CABLES2: variants seen among roughly 807,000 people sequenced by gnomAD.
CABLES2 encodes the protein CDK5 and ABL1 enzyme substrate 2.
A neutral mutation model predicts 44.8 loss-of-function variants in CABLES2; 35 were observed. That is an observed-to-expected ratio of 0.78 (90% CI 0.60 to 1.04). The LOEUF (loss-of-function observed/expected upper bound fraction) is 1.04. Among genes scored for constraint, CABLES2 ranks in the 50% least tolerant of loss-of-function variants. CABLES2 has a pLI of 0.00. For synonymous variants in CABLES2, 282 were observed against 281.1 expected, an observed-to-expected ratio of 1.00 and a Z score of -0.03; for missense variants, 566 against 615.7, an observed-to-expected ratio of 0.92 and a Z score of 0.85.
At position 62,393,508 on chromosome 20, in the gene CABLES2, G is replaced by A; in HGVS notation, c.812C>T (p.Pro271Leu). Residue 271 changes from proline to leucine, a missense_variant, in exon 6 of 10, where the codon CCC (proline) becomes CTC (leucine). Transcript: ENST00000279101. ...ATGTCTTGACCCTGGCAGAGTCCGG[G>A]GGACACTGGGCCGAGGTGTGGGCAG... Reference protein sequence around the residue: ...GLLPTPRPSVPRTLPGSRHKP... With the variant: ...GLLPTPRPSVLRTLPGSRHKP... The A allele has an allele frequency of 6.2e-7, 1 of 1,613,634 alleles. No homozygotes were observed. Among genetic ancestry groups the A allele is most frequent in the Non-Finnish European group, 8.5e-7 (1 of 1,179,772 alleles).
rs907306398 is a variant in CABLES2 at position 62,391,502 on chromosome 20, G to A, written c.1092-49C>T. 6.3e-6 allele frequency: 10 copies of A among 1,588,596 alleles called. No individual in the cohort carries two copies. The African/African-American group carries it at 8.1e-5, about 13-fold the overall frequency. On this transcript the variant is annotated intron_variant, in intron 8 of 9. Transcript: ENST00000279101. This position sits in a 1 kb window ranked among gnomAD's most constrained non-coding sequence, Gnocchi z 5.7. ...GTCCCTGGGGGCTCTGGCTGGGGCT[G>A]AGGAGGCAGCCCCCTGCCACCACCA... is the stretch of plus-strand genomic sequence containing the variant.
At chr20:62,399,572 G>A (rs1248215875) in intron 1 of CABLES2, among the ~76,000 whole-genome samples, 1 of 138,140 alleles carries the variant, frequency 7.2e-6, no homozygotes, top group South Asian at 2.3e-4. Flanking sequence ...ACAGATGCTC[G>A]ACTGATGATG....
intron 1 of CABLES2, among the ~76,000 whole-genome samples, chr20:62,397,801 A>G (rs2146422753): frequency 6.6e-6 from 1 of 151,788 alleles, no homozygotes; most frequent in African/African-American, 2.4e-5. Context: ...TTGCGATGAC[A>G]ATGATGGGCG....
At chr20:62,402,067 C>T (rs887876752) in intron 1 of CABLES2, among the ~76,000 whole-genome samples, 2 of 152,038 alleles carry the variant, frequency 1.3e-5, no homozygotes, top group African/African-American at 4.8e-5. Flanking sequence ...GTTCCCCCCA[C>T]GTGGCAGTGA....
chr20:62,398,071 CGG>C (rs1988080133), intron 1 of CABLES2, among the ~76,000 whole-genome samples: 1 of 68,234 alleles, frequency 1.5e-5, no homozygotes. Context: ...GTGGTGGTGA[CGG>C]TGGTGGTGGT....
At chr20:62,406,785 T>TGAA (rs1234590609) in intron 1 of CABLES2, 130 bp downstream of exon 1, 1 of 444,808 alleles carries the variant, frequency 2.2e-6, no homozygotes, top group African/African-American at 2.1e-5. Context: ...AGGCCCCAGG[T>TGAA]CACCTGACCC....
chr20:62,394,547 T>C (rs2064829), intron 4 of CABLES2, among the ~76,000 whole-genome samples: 45,608 of 152,072 alleles, frequency 0.3, 7,434 homozygotes, highest in African/African-American at 0.41. Flanking sequence ...TGCCCACGCC[T>C]GGTCAGGTTT....
rs939378311 is a variant in CABLES2 at position 62,396,344 on chromosome 20, G to T, written c.498C>A (p.Asn166Lys). The T allele has an allele frequency of 6.2e-7, 1 of 1,613,836 alleles. No homozygotes were observed. Among genetic ancestry groups the T allele is most frequent in the Non-Finnish European group, 8.5e-7 (1 of 1,179,978 alleles). The part of the protein sequence containing the change: ...KGLKKTHFIK[N>K]MRQYDTRNSR... ...TGTTCCTGGTGTCGTACTGCCTCAT[G>T]TTCTTGATGAAGTGGGTCTTCTTCA... is the stretch of plus-strand genomic sequence containing the variant. The change falls in exon 3 of 10, where the codon AAC becomes AAA. Residue 166 changes from asparagine (N) to lysine (K), a missense_variant. Physicochemically the swap from Asn to Lys is moderately conservative, Grantham distance 94 (BLOSUM62 0). This residue lies in a region of CABLES2 where 436 missense variants were observed against 536.3 expected (regional missense o/e 0.81). Transcript: ENST00000279101. The surrounding 1 kb of genome is among the most constrained non-coding windows in gnomAD (Gnocchi z 5.7).
At position 62,391,138 on chromosome 20, in the gene CABLES2, C is replaced by T; in HGVS notation, c.1297-27G>A. On this transcript the variant is annotated intron_variant, in intron 9 of 9. Transcript: ENST00000279101. This position sits in a 1 kb window ranked among gnomAD's most constrained non-coding sequence, Gnocchi z 5.7. ...TGCAGGGGAGAAGAGAGAAGGGTTACACGGGAGCCTTCCCTCTTCCACATT... is the reference window on the plus strand; with the variant it reads ...TGCAGGGGAGAAGAGAGAAGGGTTATACGGGAGCCTTCCCTCTTCCACATT... The T allele has an allele frequency of 6.2e-7, 1 of 1,610,858 alleles. No individual in the cohort carries two copies. The highest frequency in any genetic ancestry group is 8.5e-7 in the Non-Finnish European group (1 of 1,177,382).
chr20:62,401,852 C>T (rs1988194451), intron 1 of CABLES2, among the ~76,000 whole-genome samples: 1 of 152,226 alleles, frequency 6.6e-6, no homozygotes, highest in Non-Finnish European at 1.5e-5. Flanking sequence ...ACGCACCTTC[C>T]ATGTGCTTCA....
At position 62,398,511 on chromosome 20, in the gene CABLES2, C is replaced by T. The variant is rs537841449; in HGVS notation, c.363-1919G>A. Among the ~76,000 whole-genome samples the T allele has an allele frequency of 2.0e-5, 3 of 152,300 alleles. No homozygotes were observed. The South Asian group carries it at 6.2e-4, about 32-fold the overall frequency. The stretch of plus-strand genomic sequence containing the variant: ...GTGTCACCCAATCTGGACTCCGGGC[C>T]AAGGGCAGGTGTACTGCTGGGGGTC... On this transcript the variant is annotated intron_variant, in intron 1 of 9. Coordinates refer to ENST00000279101, the MANE Select transcript of CABLES2 (RefSeq NM_031215.3).
At chr20:62,399,138 T>TG (rs1988140424) in intron 1 of CABLES2, among the ~76,000 whole-genome samples, 1 of 152,178 alleles carries the variant, frequency 6.6e-6, no homozygotes, top group South Asian at 2.1e-4. Context: ...TTAGTAGAGA[T>TG]GGGGTTTCAC....
At chr20:62,394,812 A>G (rs970573987) in intron 4 of CABLES2, 125 bp downstream of exon 4, 9 of 811,678 alleles carry the variant, frequency 1.1e-5, no homozygotes, top group African/African-American at 8.7e-5. Flanking sequence ...TGAGCCTCGC[A>G]TGAGCCCGGG....
In CABLES2 at chr20:62,392,435, T is replaced by C. The variant is rs764670356; in HGVS notation, c.1045A>G (p.Arg349Gly). The change falls in exon 8 of 10, where the codon AGG becomes GGG. Residue 349 changes from arginine to glycine, a missense_variant. Around this residue, in one of 2 missense-constraint regions of CABLES2, gnomAD observed 436 missense variants for 536.3 expected, o/e 0.81. Transcript: ENST00000279101. ...DLKKDMNETF[R>G]EKFPHVKLTL... ...AGTTTGACATGGGGGAACTTCTCCC[T>C]GAAGGTCTCGTTCATGTCCTTTTTG... is the stretch of plus-strand genomic sequence containing the variant. 3.1e-6 allele frequency: 5 copies of C among 1,613,992 alleles called. No homozygotes were observed. The South Asian group carries it at 5.5e-5, about 18-fold the overall frequency.
Position 62,398,193 on chromosome 20 carries a change from A to ATGGTGATGGTGGTGG in CABLES2, c.363-1602_363-1601insCCACCACCATCACCA, listed in dbSNP as rs1569017836. Reference sequence around the variant, plus strand: ...GGTAATGGTGGTGGTGGTGATGGTGATGATGGTGGTGATGGTGATGTGATG... The same window carrying ATGGTGATGGTGGTGG: ...GGTAATGGTGGTGGTGGTGATGGTGATGGTGATGGTGGTGGTGATGGTGGTGATGGTGATGTGATG... On this transcript the variant is annotated intron_variant, in intron 1 of 9. Coordinates refer to ENST00000279101, the MANE Select transcript of CABLES2 (RefSeq NM_031215.3). Among the ~76,000 whole-genome samples the ATGGTGATGGTGGTGG allele has an allele frequency of 1.2e-3, 35 of 30,070 alleles. No homozygotes were observed. In the African/African-American group the frequency reaches 0.013, roughly 11 times the overall value. 19.7% of individuals were successfully genotyped at this position (30,070 alleles called of 152,430 possible).
intron 5 of CABLES2, 84 bp from the exon 6 acceptor site, chr20:62,393,689 G>A (rs1569015314): frequency 1.4e-6 from 2 of 1,407,702 alleles, no homozygotes; most frequent in South Asian, 1.4e-5. Flanking sequence ...AAGCCCAGAC[G>A]CACATGCCAG....
chr20:62,391,225 G>C lies in CABLES2; in HGVS notation c.1296+24C>G, dbSNP rs1225983340. 6.2e-7 allele frequency: 1 copy of C among 1,603,440 alleles called. No homozygotes were observed. The highest frequency in any genetic ancestry group is 8.5e-7 in the Non-Finnish European group (1 of 1,173,228). On this transcript the variant is annotated intron_variant, in intron 9 of 9. Coordinates refer to ENST00000279101, the MANE Select transcript of CABLES2 (RefSeq NM_031215.3). This position sits in a 1 kb window ranked among gnomAD's most constrained non-coding sequence, Gnocchi z 5.7. Reference sequence around the variant, plus strand: ...GCTCGATGTCATGACCCTGCCTGCAGTGCCTGCCGAGCCGGGCACTCACAT... The same window carrying C: ...GCTCGATGTCATGACCCTGCCTGCACTGCCTGCCGAGCCGGGCACTCACAT...
At position 62,407,052 on chromosome 20, in the gene CABLES2, GGGC is replaced by G. The variant is rs1293211536; in HGVS notation, c.222_224del (p.Pro75del). 20 of 1,091,018 alleles carry G rather than the reference GGGC, an allele frequency of 1.8e-5. No homozygotes were observed. The highest frequency in any genetic ancestry group is 2.2e-5 in the Non-Finnish European group (20 of 898,616). The allele number at this position is 1,091,018 out of a possible 1,614,324, so 67.6% of individuals were successfully genotyped here. Reference sequence around the variant, plus strand: ...GCGCTGGCGGTTCGCGGGCCTCGGCGGGCGGCGGCGGGGGCTTCTCTCCGCCCG... The same window carrying G: ...GCGCTGGCGGTTCGCGGGCCTCGGCGGGCGGCGGGGGCTTCTCTCCGCCCG... On this transcript the variant is annotated inframe_deletion, in exon 1 of 10. Coordinates refer to ENST00000279101, the MANE Select transcript of CABLES2 (RefSeq NM_031215.3).
chr20:62,406,590 A>C (rs945522543), intron 1 of CABLES2, among the ~76,000 whole-genome samples: 4 of 58,628 alleles, frequency 6.8e-5, no homozygotes, highest in Non-Finnish European at 1.4e-4. Context: ...CCAGTTCTGT[A>C]TCCAGGACTG....
Sources: gnomAD v4.1 joint callset for allele counts (sites outside exome capture counted in the v4.1 genomes callset) on GRCh38, gnomAD v4.1.1 for gene constraint, gnomAD v4.1.1 regional missense constraint, Gnocchi (gnomAD v3.1) non-coding constraint, MANE v1.5 for transcripts, NCBI Gene and HGNC (gene_info 2026-07-23, HGNC 2026-07-21) for gene names.